STK32B: variants seen among roughly 807,000 people sequenced by gnomAD.
The protein encoded by STK32B is serine/threonine kinase 32B.
A neutral mutation model predicts 52.6 loss-of-function variants in STK32B; 43 were observed. The ratio of observed to expected loss-of-function variants is 0.82; its 90% CI spans 0.64 to 1.05. The LOEUF is 1.05. Among genes scored for constraint, STK32B ranks in the 50% least tolerant of loss-of-function variants. STK32B has a pLI of 0.00. For synonymous variants in STK32B, 238 were observed against 204.3 expected, an observed-to-expected ratio of 1.17 and a Z score of -1.41; for missense variants, 621 against 534.6, an observed-to-expected ratio of 1.16 and a Z score of -1.59.
chr4:5,422,903 C>T (rs1234121739), intron 6 of STK32B, among the ~76,000 whole-genome samples: 1 of 152,052 alleles, frequency 6.6e-6, no homozygotes, highest in African/African-American at 2.4e-5. Context: ...TGCTGGGTAA[C>T]GATAGAGAGA....
At chr4:5,181,709 C>A (rs764269317) in intron 3 of STK32B, among the ~76,000 whole-genome samples, 1 of 152,194 alleles carries the variant, frequency 6.6e-6, no homozygotes, top group Non-Finnish European at 1.5e-5. Context: ...AAACAAGGTA[C>A]GTACCATAAT....
intron 3 of STK32B, among the ~76,000 whole-genome samples, chr4:5,195,415 G>A (rs56101829): frequency 0.11 from 16,984 of 152,158 alleles, 1,024 homozygotes; most frequent in Non-Finnish European, 0.13. Context: ...AGAATGGGCC[G>A]GGTGCAGTGG....
At chr4:5,105,855 G>A (rs1373928045) in intron 1 of STK32B, among the ~76,000 whole-genome samples, 14 of 151,564 alleles carry the variant, frequency 9.2e-5, no homozygotes, top group African/African-American at 1.7e-4. Context: ...GAGCCACCAC[G>A]CCCGGCTGAA....
chr4:5,478,450 A>G (rs1053288558), intron 11 of STK32B, among the ~76,000 whole-genome samples: 2 of 152,206 alleles, frequency 1.3e-5, no homozygotes, highest in Admixed American at 1.3e-4. Flanking sequence ...AACAGCTGAT[A>G]AGACTGGCAG....
At chr4:5,349,391 A>G (rs1048345933) in intron 4 of STK32B, among the ~76,000 whole-genome samples, 1 of 152,202 alleles carries the variant, frequency 6.6e-6, no homozygotes, top group African/African-American at 2.4e-5. Flanking sequence ...TTTATACCTG[A>G]AGAAACCATA....
intron 11 of STK32B, among the ~76,000 whole-genome samples, chr4:5,491,404 C>T (rs1245839144): frequency 2.0e-5 from 3 of 152,282 alleles, no homozygotes; most frequent in South Asian, 2.1e-4. Context: ...TCATGTCCTT[C>T]ACCCACTTTT....
intron 1 of STK32B, among the ~76,000 whole-genome samples, chr4:5,099,333 C>T (rs1377033730): frequency 6.6e-6 from 1 of 152,164 alleles, no homozygotes; most frequent in Admixed American, 6.5e-5. Context: ...AGAATGTGGG[C>T]ATCTTTGGGG....
At chr4:5,164,414 A>G (rs1212547574) in intron 2 of STK32B, among the ~76,000 whole-genome samples, 1 of 152,154 alleles carries the variant, frequency 6.6e-6, no homozygotes, top group Non-Finnish European at 1.5e-5. Context: ...GGCCCGTCCT[A>G]ATCCAGGTTG....
chr4:5,111,612 A>T (rs1271041881), intron 1 of STK32B, among the ~76,000 whole-genome samples: 1 of 152,108 alleles, frequency 6.6e-6, no homozygotes, highest in Admixed American at 6.5e-5. Flanking sequence ...GGAGACTTCA[A>T]AAGGGGTTGG....
chr4:5,432,553 G>A (rs183603752), intron 6 of STK32B, among the ~76,000 whole-genome samples: 35 of 149,618 alleles, frequency 2.3e-4, no homozygotes, highest in Non-Finnish European at 8.8e-5. Context: ...ATGAATAGGA[G>A]TTCATGAATA....
At position 5,462,970 on chromosome 4, in the gene STK32B, C is replaced by T. The variant is rs76251887; in HGVS notation, c.909+2742C>T. 5.3e-4 allele frequency among the ~76,000 whole-genome samples: 81 copies of T among 152,264 alleles called. No homozygotes were observed. The East Asian group carries it at 0.015, about 29-fold the overall frequency. ...AAGGAGACCCGCAGGCTCTGCTGAGCCGGGAGTAAAGGTTTGGGTCTCTTC... is the reference window on the plus strand; with the variant it reads ...AAGGAGACCCGCAGGCTCTGCTGAGTCGGGAGTAAAGGTTTGGGTCTCTTC... On this transcript the variant is annotated intron_variant, in intron 9 of 11. Transcript: ENST00000282908.
chr4:5,293,794 G>A (rs1729031681), intron 3 of STK32B, among the ~76,000 whole-genome samples: 1 of 151,966 alleles, frequency 6.6e-6, no homozygotes, highest in Non-Finnish European at 1.5e-5. Flanking sequence ...TTAGTTTAAT[G>A]AGATCTCATT....
intron 6 of STK32B, among the ~76,000 whole-genome samples, chr4:5,438,834 T>C (rs892271226): frequency 4.6e-5 from 7 of 152,112 alleles, no homozygotes; most frequent in Non-Finnish European, 8.8e-5. Context: ...TTCCCACCTA[T>C]GAGTGACAAT....
In STK32B at chr4:5,360,279, C is replaced by T. The variant is rs141497211; in HGVS notation, c.434+28886C>T. On this transcript the variant is annotated intron_variant, in intron 4 of 11. Coordinates refer to ENST00000282908, the MANE Select transcript of STK32B (RefSeq NM_018401.3). ...ATGACAGAATTAGGGCACAACCATG[C>T]CAACCTGAAAAGCACTCCATGGGGG... Among the ~76,000 whole-genome samples the T allele has an allele frequency of 2.6e-5, 4 of 152,280 alleles. No homozygotes were observed. The East Asian group carries it at 7.7e-4, about 29-fold the overall frequency.
At chr4:5,214,992 A>G (rs141739694) in intron 3 of STK32B, among the ~76,000 whole-genome samples, 37 of 152,330 alleles carry the variant, frequency 2.4e-4, no homozygotes, top group African/African-American at 8.2e-4. Flanking sequence ...ATGAAAAGAG[A>G]TGGATCATTG....
rs116093782 is a variant in STK32B at position 5,498,691 on chromosome 4, T to C, written c.1107-254T>C. ...ACAAGGAAATACAAGATGGGAATTA[T>C]TATCTCCATTCTGTAGACAGAGAAA... On this transcript the variant is annotated intron_variant, in intron 11 of 11. Transcript: ENST00000282908. 5.9e-3 allele frequency among the ~76,000 whole-genome samples: 897 copies of C among 152,368 alleles called. 8 individuals are homozygous for C. The highest frequency in any genetic ancestry group is 0.021 in the African/African-American group (857 of 41,580).
intron 5 of STK32B, among the ~76,000 whole-genome samples, chr4:5,411,122 G>A (rs1383624688): frequency 6.6e-6 from 1 of 150,728 alleles, no homozygotes; most frequent in East Asian, 2.0e-4. Flanking sequence ...TGCAAGCTCC[G>A]TTTCCTGGGT....
intron 4 of STK32B, among the ~76,000 whole-genome samples, chr4:5,368,900 C>A (rs1434399650): frequency 6.6e-6 from 1 of 152,168 alleles, no homozygotes; most frequent in Non-Finnish European, 1.5e-5. Context: ...TTCCCACTCT[C>A]CTCTTCTCTT....
At chr4:5,309,921 T>C (rs1330744286) in intron 3 of STK32B, among the ~76,000 whole-genome samples, 1 of 152,106 alleles carries the variant, frequency 6.6e-6, no homozygotes, top group South Asian at 2.1e-4. Context: ...ATCCCAGCAC[T>C]TTGGGAGGCC....
Sources: allele counts gnomAD v4.1 joint callset (sites outside exome capture counted in the v4.1 genomes callset), GRCh38; gene constraint gnomAD v4.1.1; transcripts MANE v1.5; gene names NCBI Gene and HGNC (gene_info 2026-07-23, HGNC 2026-07-21).